The following PTPRT variants were observed in gnomAD, a reference collection of about 807,000 sequenced individuals.
The protein encoded by PTPRT is protein tyrosine phosphatase receptor type T.
A neutral mutation model predicts 176.8 loss-of-function variants in PTPRT; 56 were observed. That is an observed-to-expected ratio of 0.32 (90% CI 0.26 to 0.40). PTPRT has a LOEUF of 0.40. Ranked by LOEUF, PTPRT falls within the 10% of genes least tolerant of loss-of-function variation. The pLI, the probability that PTPRT is intolerant of heterozygous loss-of-function variation, is 1.00. For synonymous variants in PTPRT, 783 were observed against 739.0 expected (o/e 1.06, Z -0.96); for missense variants, 1,540 against 1,908.2 (o/e 0.81, Z 3.60).
At chr20:43,007,693 A>G (rs561076144) in intron 1 of PTPRT, among the ~76,000 whole-genome samples, 2 of 152,290 alleles carry the variant, frequency 1.3e-5, no homozygotes, top group South Asian at 2.1e-4. Context: ...GATGTGGCAC[A>G]TTGTCCGGCG....
chr20:42,900,882 G>T (rs187133481), intron 1 of PTPRT, among the ~76,000 whole-genome samples: 1 of 151,998 alleles, frequency 6.6e-6, no homozygotes, highest in East Asian at 1.9e-4. Flanking sequence ...GGCTTGGAAA[G>T]AATCCAGGGC....
chr20:42,307,752 G>A (rs933618834), intron 12 of PTPRT, among the ~76,000 whole-genome samples: 1 of 152,136 alleles, frequency 6.6e-6, no homozygotes, highest in Admixed American at 6.6e-5. Flanking sequence ...TCTTGAATAG[G>A]GGCTGGGTAA....
At chr20:42,199,633 A>G (rs1600666459) in intron 15 of PTPRT, among the ~76,000 whole-genome samples, 1 of 152,172 alleles carries the variant, frequency 6.6e-6, no homozygotes, top group Non-Finnish European at 1.5e-5. Context: ...TGGGAAATCA[A>G]TGAGACTTGT....
chr20:42,470,466 T>G (rs1010425133), intron 8 of PTPRT, among the ~76,000 whole-genome samples: 1 of 152,118 alleles, frequency 6.6e-6, no homozygotes, highest in Non-Finnish European at 1.5e-5. Flanking sequence ...GGGAAAACTT[T>G]CTTAATCAGT....
chr20:42,297,621 A>G (rs1035664849), intron 12 of PTPRT, among the ~76,000 whole-genome samples: 1 of 152,226 alleles, frequency 6.6e-6, no homozygotes, highest in Non-Finnish European at 1.5e-5. Flanking sequence ...CGCAGACATT[A>G]AAGTTTAGAT....
At chr20:42,623,792 G>C (rs916567392) in intron 7 of PTPRT, among the ~76,000 whole-genome samples, 5 of 151,594 alleles carry the variant, frequency 3.3e-5, no homozygotes, top group African/African-American at 1.2e-4. Context: ...CTGGACTTGT[G>C]TTCCCACACC....
intron 1 of PTPRT, among the ~76,000 whole-genome samples, chr20:42,943,534 A>AC (rs59215418): frequency 0.017 from 2,555 of 151,972 alleles, 85 homozygotes; most frequent in African/African-American, 0.059. Flanking sequence ...GGACACCCCT[A>AC]CCCCCGAGTG....
chr20:43,120,240 C>T (rs2013208816), intron 1 of PTPRT, among the ~76,000 whole-genome samples: 3 of 151,870 alleles, frequency 2.0e-5, no homozygotes, highest in African/African-American at 7.3e-5. Context: ...AATTATAATA[C>T]TGGGAGTGCT....
intron 11 of PTPRT, among the ~76,000 whole-genome samples, chr20:42,320,178 A>G (rs2057780109): frequency 6.6e-6 from 1 of 152,186 alleles, no homozygotes. Context: ...AAGGTCAAGG[A>G]GAGTTTGTAC....
intron 6 of PTPRT, among the ~76,000 whole-genome samples, chr20:42,723,811 G>A (rs1160722420): frequency 2.0e-5 from 3 of 152,176 alleles, no homozygotes; most frequent in South Asian, 2.1e-4. Context: ...CATGGGATGG[G>A]CAGATCAGAA....
intron 2 of PTPRT, among the ~76,000 whole-genome samples, chr20:42,847,076 C>CT (rs1260996106): frequency 6.6e-6 from 1 of 152,172 alleles, no homozygotes; most frequent in Non-Finnish European, 1.5e-5. Context: ...TAGTTAATGC[C>CT]TAGAGAATCA....
intron 9 of PTPRT, among the ~76,000 whole-genome samples, chr20:42,428,704 G>A (rs753209520): frequency 8.5e-5 from 13 of 152,120 alleles, no homozygotes; most frequent in African/African-American, 2.2e-4. Flanking sequence ...CAATCATGAC[G>A]ATGAAGTCAC....
chr20:42,460,341 A>C (rs973315194), intron 8 of PTPRT, among the ~76,000 whole-genome samples: 1 of 152,162 alleles, frequency 6.6e-6, no homozygotes, highest in Non-Finnish European at 1.5e-5. Context: ...ATTATATTGG[A>C]ACACTGCCGC....
At chr20:42,350,223 T>G (rs1443005031) in intron 11 of PTPRT, among the ~76,000 whole-genome samples, 1 of 59,082 alleles carries the variant, frequency 1.7e-5, no homozygotes, top group Non-Finnish European at 3.4e-5. Flanking sequence ...TGTTTTTTTT[T>G]TTTTTTTTTT....
At chr20:42,273,209 G>A (rs1362334232) in intron 13 of PTPRT, among the ~76,000 whole-genome samples, 2 of 152,224 alleles carry the variant, frequency 1.3e-5, no homozygotes, top group East Asian at 3.9e-4. Flanking sequence ...TGCAGTAAGT[G>A]GTAGTACTTA....
At chr20:42,430,657 TG>T (rs761783146) in intron 9 of PTPRT, among the ~76,000 whole-genome samples, 7 of 152,128 alleles carry the variant, frequency 4.6e-5, no homozygotes, top group Non-Finnish European at 1.0e-4. Flanking sequence ...CAGGACCCTC[TG>T]GGAGATGACT....
Position 43,136,550 on chromosome 20 carries a change from A to T in PTPRT, c.88+53096T>A, listed in dbSNP as rs573110213. On this transcript the variant is annotated intron_variant, in intron 1 of 30. Transcript: ENST00000373187. Reference sequence around the variant, plus strand: ...CTTAGACTCCAGTAACATGCTGCTTACCTGTATTTTTGGTGAGTGAATGAA... The same window carrying T: ...CTTAGACTCCAGTAACATGCTGCTTTCCTGTATTTTTGGTGAGTGAATGAA... Among the ~76,000 whole-genome samples, 15 of 152,280 alleles carry T rather than the reference A, an allele frequency of 9.9e-5. No individual in the cohort carries two copies. The South Asian group carries it at 3.1e-3, about 32-fold the overall frequency.
chr20:42,263,994 A>G (rs1383805463), intron 13 of PTPRT, among the ~76,000 whole-genome samples: 1 of 152,150 alleles, frequency 6.6e-6, no homozygotes, highest in African/African-American at 2.4e-5. Flanking sequence ...GAGATTCAGG[A>G]GAGATTTCAG....
chr20:42,789,022 G>T (rs2077334562), intron 3 of PTPRT, among the ~76,000 whole-genome samples: 1 of 152,152 alleles, frequency 6.6e-6, no homozygotes. Flanking sequence ...TTTAAAAACT[G>T]ATACCCAATT....
Sources: allele counts gnomAD v4.1 joint callset (sites outside exome capture counted in the v4.1 genomes callset), GRCh38; gene constraint gnomAD v4.1.1; transcripts MANE v1.5; gene names NCBI Gene and HGNC (gene_info 2026-07-23, HGNC 2026-07-21).